ACO1: variants seen among roughly 807,000 people sequenced by gnomAD.
ACO1 encodes cytoplasmic aconitate hydratase.
ACO1 carries 78 observed loss-of-function variants against 105.1 expected under a neutral mutation model. The ratio of observed to expected loss-of-function variants is 0.74; its 90% CI spans 0.62 to 0.90. The LOEUF is 0.90. Among genes scored for constraint, ACO1 ranks in the 40% least tolerant of loss-of-function variants. ACO1 has a pLI of 0.00. For synonymous variants in ACO1, 364 were observed against 397.4 expected (o/e 0.92, Z 1.00); for missense variants, 965 against 1,111.1 (o/e 0.87, Z 1.87).
chr9:32,411,052 C>CT (rs1440317170), intron 4 of ACO1, among the ~76,000 whole-genome samples: 1 of 152,042 alleles, frequency 6.6e-6, no homozygotes, highest in Non-Finnish European at 1.5e-5. Flanking sequence ...CACAGTATCT[C>CT]TAAGGCCTAG....
intron 4 of ACO1, among the ~76,000 whole-genome samples, chr9:32,413,482 CAAAA>C (rs35294620): frequency 1.5e-3 from 205 of 132,612 alleles, no homozygotes; most frequent in East Asian, 1.8e-3. Flanking sequence ...GACTCTATCT[CAAAA>C]AAAAAAAAAA....
chr9:32,451,654 A>G lies in ACO1; in HGVS notation c.*1543A>G, dbSNP rs1822769124. 1.3e-5 allele frequency: 2 copies of G among 152,264 alleles called. No individual in the cohort carries two copies. Among genetic ancestry groups the G allele is most frequent in the African/African-American group, 2.4e-5 (1 of 41,454 alleles). The allele number at this position is 152,264 out of a possible 1,614,324, so 9.4% of individuals were successfully genotyped here. On this transcript the variant is annotated 3_prime_UTR_variant, in exon 21 of 21. Transcript: ENST00000309951. ...GGGGATATGGCCTGGTCATCAGAACATCTGGAATCTAATCCTCTTTCTACT... is the reference window on the plus strand; with the variant it reads ...GGGGATATGGCCTGGTCATCAGAACGTCTGGAATCTAATCCTCTTTCTACT...
rs118188918 is a variant in ACO1, at chr9:32,448,852, G to C, written c.2371-44G>C. On this transcript the variant is annotated intron_variant, in intron 19 of 20. Transcript: ENST00000309951. Reference sequence around the variant, plus strand: ...TCTTTTGTAAACCTGTGTATCCAAAGAAAAGATTGGAAGTATGTCTAAACT... The same window carrying C: ...TCTTTTGTAAACCTGTGTATCCAAACAAAAGATTGGAAGTATGTCTAAACT... 9.7e-3 allele frequency: 15,662 copies of C among 1,609,876 alleles called. 81 individuals are homozygous for C. Among genetic ancestry groups the C allele is most frequent in the Non-Finnish European group, 0.011 (13,007 of 1,176,298 alleles).
intron 1 of ACO1, among the ~76,000 whole-genome samples, chr9:32,400,398 C>T (rs1195482821): frequency 6.6e-6 from 1 of 152,052 alleles, no homozygotes; most frequent in African/African-American, 2.4e-5. Context: ...GGAGGGCCCC[C>T]CTTGGATTAG....
intron 13 of ACO1, 26 bp from the exon 14 acceptor site, chr9:32,430,392 C>T (rs1234210797): frequency 1.3e-6 from 2 of 1,597,672 alleles, no homozygotes; most frequent in Non-Finnish European, 1.7e-6. Flanking sequence ...CTTTTAGTGA[C>T]CTGATTTTTC....
rs1587539299 is a variant in ACO1, at chr9:32,424,454, A to G, written c.1072-95A>G. The G allele has an allele frequency of 3.9e-6, 3 of 775,132 alleles. No individual in the cohort carries two copies. In the East Asian group the frequency reaches 7.8e-5, roughly 20 times the overall value. 48.0% of individuals were successfully genotyped at this position (775,132 alleles called of 1,614,324 possible). On this transcript the variant is annotated intron_variant, in intron 9 of 20. Transcript: ENST00000309951. ...TGTGGTAGTTTATTTGCTTATTTTT[A>G]TGGTTGTCATGTTTTAAATTCTCTG... is the stretch of plus-strand genomic sequence containing the variant.
At chr9:32,400,001 C>T (rs1342178349) in intron 1 of ACO1, among the ~76,000 whole-genome samples, 40 of 107,910 alleles carry the variant, frequency 3.7e-4, no homozygotes, top group Middle Eastern at 8.9e-3. Context: ...GATGGAGTCT[C>T]GCTGTGTCAC....
rs1446075341 is a variant in ACO1 at position 32,407,302 on chromosome 9, A to G, written c.139A>G (p.Ile47Val). 6.2e-7 allele frequency: 1 copy of G among 1,614,180 alleles called. No homozygotes were observed. The change falls in exon 3 of 21, where the codon ATT becomes GTT. Residue 47 changes from isoleucine (I) to valine (V), a missense_variant. By Grantham distance (29) the Ile-to-Val change is conservative. Coordinates refer to ENST00000309951, the MANE Select transcript of ACO1 (RefSeq NM_002197.3). ...FSIRVLLEAAIRNCDEFLVKK... is the reference protein window; with the variant it reads ...FSIRVLLEAAVRNCDEFLVKK... ...GATCAGAGTTCTTCTGGAAGCAGCC[A>G]TTCGGAATTGTGATGAGTTTTTGGT...
At chr9:32,394,898 G>A (rs894391015) in intron 1 of ACO1, among the ~76,000 whole-genome samples, 3 of 151,966 alleles carry the variant, frequency 2.0e-5, no homozygotes, top group Non-Finnish European at 4.4e-5. Flanking sequence ...GAGGTGGCTG[G>A]GTATAGTTGG....
intron 1 of ACO1, among the ~76,000 whole-genome samples, chr9:32,395,487 C>CA (rs1475906711): frequency 7.2e-5 from 11 of 152,044 alleles, no homozygotes; most frequent in African/African-American, 2.7e-4. Context: ...AAAAACAAAC[C>CA]AAAAAACCAA....
chr9:32,413,583 C>T (rs966287809), intron 4 of ACO1, among the ~76,000 whole-genome samples: 1 of 151,692 alleles, frequency 6.6e-6, no homozygotes, highest in Non-Finnish European at 1.5e-5. Context: ...CATGATCTCT[C>T]TCCTCATTTT....
At chr9:32,409,139 C>T (rs1563933110) in intron 4 of ACO1, among the ~76,000 whole-genome samples, 1 of 152,196 alleles carries the variant, frequency 6.6e-6, no homozygotes, top group Non-Finnish European at 1.5e-5. Context: ...TCCTCTGTTC[C>T]TGCCAAATCT....
intron 16 of ACO1, 55 bp downstream of exon 16, chr9:32,433,887 T>C: frequency 2.2e-6 from 3 of 1,357,046 alleles, no homozygotes; most frequent in Non-Finnish European, 3.1e-6. Flanking sequence ...TCTTTCCTAA[T>C]AATATCTACT....
chr9:32,428,695 T>C (rs946781627), intron 12 of ACO1, among the ~76,000 whole-genome samples: 3 of 151,756 alleles, frequency 2.0e-5, no homozygotes, highest in African/African-American at 7.3e-5. Flanking sequence ...AAAAACAAAA[T>C]TAGCCGGGCG....
chr9:32,401,364 T>A (rs2118380261), intron 1 of ACO1, among the ~76,000 whole-genome samples: 1 of 152,160 alleles, frequency 6.6e-6, no homozygotes, highest in Non-Finnish European at 1.5e-5. Context: ...AAATTTGCAT[T>A]TCACTGGAGG....
intron 19 of ACO1, among the ~76,000 whole-genome samples, chr9:32,441,842 G>A (rs1040175792): frequency 2.0e-5 from 3 of 152,182 alleles, no homozygotes; most frequent in African/African-American, 7.2e-5. Flanking sequence ...GTCCAGGCTG[G>A]GCCACGTAGC....
chr9:32,427,321 G>A lies in ACO1; in HGVS notation c.1369G>A (p.Val457Met). Residue 457 changes from valine to methionine, a missense_variant, in exon 12 of 21, where the codon GTG becomes ATG. Val to Met is a conservative substitution (Grantham distance 21). Coordinates refer to ENST00000309951, the MANE Select transcript of ACO1 (RefSeq NM_002197.3). Reference protein sequence around the residue: ...LGAGLLAKKAVDAGLNVMPYI... With the variant: ...LGAGLLAKKAMDAGLNVMPYI... ...CACAGGATTGTTAGCAAAGAAAGCT[G>A]TGGATGCTGGCCTGAACGTGATGCC... is the stretch of plus-strand genomic sequence containing the variant. 6.2e-7 allele frequency: 1 copy of A among 1,614,222 alleles called. No individual in the cohort carries two copies. The highest frequency in any genetic ancestry group is 8.5e-7 in the Non-Finnish European group (1 of 1,180,040).
chr9:32,454,280 T>G lies in ACO1; in HGVS notation c.*4169T>G, dbSNP rs1822831166. ...TGCTTTCTTCTGGGCGTTCACGCAC[T>G]GTGCTCCACAGGATACTCTTGAGAA... On this transcript the variant is annotated 3_prime_UTR_variant, in exon 21 of 21. Transcript: ENST00000309951. The G allele has an allele frequency of 1.3e-5, 2 of 152,268 alleles. No homozygotes were observed. Among genetic ancestry groups the G allele is most frequent in the South Asian group, 4.1e-4 (2 of 4,836 alleles). 9.4% of individuals were successfully genotyped at this position (152,268 alleles called of 1,614,324 possible).
chr9:32,405,739 A>G lies in ACO1; in HGVS notation c.97+136A>G. 4.7e-6 allele frequency: 3 copies of G among 634,052 alleles called. No individual in the cohort carries two copies. In the South Asian group the frequency reaches 6.4e-5, roughly 14 times the overall value. 39.3% of individuals were successfully genotyped at this position (634,052 alleles called of 1,614,324 possible). ...ATGTTCTTGGATTAAGTGCACAAGC[A>G]CTCACATGCCTTTCCTACATTAGTC... On this transcript the variant is annotated intron_variant, in intron 2 of 20. Coordinates refer to ENST00000309951, the MANE Select transcript of ACO1 (RefSeq NM_002197.3).
Sources: gnomAD v4.1 joint callset for allele counts (sites outside exome capture counted in the v4.1 genomes callset) on GRCh38, gnomAD v4.1.1 for gene constraint, MANE v1.5 for transcripts, NCBI Gene and HGNC (gene_info 2026-07-23, HGNC 2026-07-21) for gene names.